GAPDHS: variants seen among roughly 807,000 people sequenced by gnomAD.
The protein encoded by GAPDHS is glyceraldehyde-3-phosphate dehydrogenase, spermatogenic, also known as glyceraldehyde-3-phosphate dehydrogenase, testis-specific.
In GAPDHS, 42 loss-of-function variants were observed where a neutral mutation model predicts 48.7. The ratio of observed to expected loss-of-function variants is 0.86; its 90% CI spans 0.67 to 1.12. The LOEUF (loss-of-function observed/expected upper bound fraction) is 1.12. Ranked by LOEUF, GAPDHS falls within the 50% of genes most tolerant of loss-of-function variation. The probability of loss-of-function intolerance (pLI) is 0.00; values close to 1 mark genes in which losing one functional copy is unlikely to be tolerated. For synonymous variants in GAPDHS, 166 were observed against 219.1 expected, an observed-to-expected ratio of 0.76 and a Z score of 2.14; for missense variants, 512 against 557.7, an observed-to-expected ratio of 0.92 and a Z score of 0.82.
In GAPDHS at chr19:35,534,460, G is replaced by A. The variant is rs113798526; in HGVS notation, c.67+866G>A. Among the ~76,000 whole-genome samples the A allele has an allele frequency of 4.0e-3, 604 of 152,266 alleles. 5 individuals carry two copies. Among genetic ancestry groups the A allele is most frequent in the African/African-American group, 0.014 (574 of 41,558 alleles). Reference sequence around the variant, plus strand: ...CCCCTCTGTAAAGTGGGTTTATAGCGCATGCCTCTCGGGATTCAGTGGGAG... The same window carrying A: ...CCCCTCTGTAAAGTGGGTTTATAGCACATGCCTCTCGGGATTCAGTGGGAG... On this transcript the variant is annotated intron_variant, in intron 1 of 10. Coordinates refer to ENST00000222286, the MANE Select transcript of GAPDHS (RefSeq NM_014364.5).
At chr19:35,536,605 C>G (rs2071467573) in intron 1 of GAPDHS, among the ~76,000 whole-genome samples, 1 of 151,856 alleles carries the variant, frequency 6.6e-6, no homozygotes, top group Non-Finnish European at 1.5e-5. Context: ...AAGTACATAA[C>G]CAGTGAATTA....
intron 1 of GAPDHS, among the ~76,000 whole-genome samples, chr19:35,536,306 G>A (rs1162830392): frequency 1.3e-5 from 2 of 151,870 alleles, no homozygotes; most frequent in African/African-American, 2.4e-5. Context: ...CCGGCCAGGC[G>A]CAGTGGCTCA....
At chr19:35,544,703 G>A (rs2071532177) in intron 9 of GAPDHS, 1 of 599,198 alleles carries the variant, frequency 1.7e-6, no homozygotes, top group South Asian at 1.9e-5. Flanking sequence ...TTTGTGACCT[G>A]TGCCCTTTGG....
intron 9 of GAPDHS, chr19:35,544,477 TG>T (rs2071530498): frequency 5.4e-6 from 1 of 186,028 alleles, no homozygotes; most frequent in Non-Finnish European, 1.1e-5. Context: ...AACACTCCTG[TG>T]GCCTTTCATG....
At chr19:35,544,734 T>G in intron 9 of GAPDHS, 175 bp from the exon 10 acceptor site, 1 of 624,576 alleles carries the variant, frequency 1.6e-6, no homozygotes, top group Non-Finnish European at 2.9e-6. Flanking sequence ...ACACAGTGCC[T>G]TGGTCATACC....
At chr19:35,543,969 C>G in intron 9 of GAPDHS, 142 bp downstream of exon 9, 1 of 1,398,038 alleles carries the variant, frequency 7.2e-7, no homozygotes, top group Non-Finnish European at 9.3e-7. Flanking sequence ...GGCCTTTGCA[C>G]TTGCTGTTCC....
At chr19:35,540,429 T>G (rs1796191897) in intron 4 of GAPDHS, among the ~76,000 whole-genome samples, 1 of 152,156 alleles carries the variant, frequency 6.6e-6, no homozygotes, top group South Asian at 2.1e-4. Context: ...ACTCAGCAAT[T>G]GTTGCAGAGG....
At chr19:35,539,328 G>C (rs1395725323) in intron 4 of GAPDHS, among the ~76,000 whole-genome samples, 1 of 152,218 alleles carries the variant, frequency 6.6e-6, no homozygotes, top group Non-Finnish European at 1.5e-5. Flanking sequence ...ATTCCAAAGG[G>C]AGGAAGGTAT....
At chr19:35,542,861 C>A (rs1022077845) in intron 6 of GAPDHS, 84 bp from the exon 7 acceptor site, 2 of 1,006,092 alleles carry the variant, frequency 2.0e-6, no homozygotes. Context: ...ACCAAGTCTG[C>A]GTGCATACCC....
intron 1 of GAPDHS, among the ~76,000 whole-genome samples, chr19:35,535,183 C>T (rs950574533): frequency 4.6e-5 from 7 of 152,218 alleles, no homozygotes; most frequent in African/African-American, 7.2e-5. Context: ...TGAGTCTCCA[C>T]TTCTCCCCTC....
In GAPDHS at chr19:35,533,605, C is replaced by T; in HGVS notation, c.67+11C>T. 1.2e-6 allele frequency: 2 copies of T among 1,605,292 alleles called. No homozygotes were observed. The highest frequency in any genetic ancestry group is 8.5e-7 in the Non-Finnish European group (1 of 1,175,510). Reference sequence around the variant, plus strand: ...GACAGCCGTGCCCGGGTGAGGGAGGCAGCGGAGGGCGCGGGGGAGGGGTGG... The same window carrying T: ...GACAGCCGTGCCCGGGTGAGGGAGGTAGCGGAGGGCGCGGGGGAGGGGTGG... On this transcript the variant is annotated intron_variant, in intron 1 of 10. Transcript: ENST00000222286.
intron 1 of GAPDHS, among the ~76,000 whole-genome samples, chr19:35,536,373 A>G (rs1274544995): frequency 6.6e-6 from 1 of 151,942 alleles, no homozygotes; most frequent in Non-Finnish European, 1.5e-5. Context: ...TAAGGTCAGG[A>G]GTTCGAGACC....
chr19:35,538,049 C>T (rs2071477013), intron 2 of GAPDHS, among the ~76,000 whole-genome samples: 1 of 151,646 alleles, frequency 6.6e-6, no homozygotes, highest in Non-Finnish European at 1.5e-5. Context: ...GCACTCCAGC[C>T]TGGGCGAAAG....
chr19:35,545,198 A>G lies in GAPDHS; in HGVS notation c.*28A>G. 1 of 1,585,974 alleles carries G rather than the reference A, an allele frequency of 6.3e-7. No individual in the cohort carries two copies. The highest frequency in any genetic ancestry group is 8.7e-7 in the Non-Finnish European group (1 of 1,154,344). ...CGGGAAGGTCCTTTCTTTCCTTCCC[A>G]GGGGCCGGGGCCGGAACATGTGCCT... On this transcript the variant is annotated 3_prime_UTR_variant, in exon 11 of 11. Coordinates refer to ENST00000222286, the MANE Select transcript of GAPDHS (RefSeq NM_014364.5).
At chr19:35,544,856 C>T in intron 9 of GAPDHS, 53 bp from the exon 10 acceptor site, 1 of 1,057,744 alleles carries the variant, frequency 9.5e-7, no homozygotes, top group Non-Finnish European at 1.5e-6. Flanking sequence ...GCCTCAGCTC[C>T]TGGAGGTCCT....
At chr19:35,535,889 C>G (rs562778602) in intron 1 of GAPDHS, among the ~76,000 whole-genome samples, 1 of 151,944 alleles carries the variant, frequency 6.6e-6, no homozygotes. Flanking sequence ...CTTGCCTCAG[C>G]CCCCCGAGGA....
Position 35,543,481 on chromosome 19 carries a change from G to C in GAPDHS, c.883G>C (p.Glu295Gln). 6.2e-7 allele frequency: 1 copy of C among 1,605,236 alleles called. No individual in the cohort carries two copies. Reference protein sequence around the residue: ...AAKAVTKVIPELKGKLTGMAF... With the variant: ...AAKAVTKVIPQLKGKLTGMAF... Reference sequence around the variant, plus strand: ...GAAAGCTGTGACCAAAGTCATCCCAGAGCTCAAAGGGTATGAGGACAAGAA... The same window carrying C: ...GAAAGCTGTGACCAAAGTCATCCCACAGCTCAAAGGGTATGAGGACAAGAA... Residue 295 changes from glutamate (E) to glutamine (Q), a missense_variant, in exon 8 of 11, where the codon GAG becomes CAG. Transcript: ENST00000222286.
chr19:35,533,791 C>T (rs998815091), intron 1 of GAPDHS, among the ~76,000 whole-genome samples, 197 bp downstream of exon 1: 9 of 152,198 alleles, frequency 5.9e-5, no homozygotes, highest in African/African-American at 7.2e-5. Context: ...GGCGGGGAGA[C>T]CGGGCCTCCG....
chr19:35,535,992 G>A (rs2071463562), intron 1 of GAPDHS, among the ~76,000 whole-genome samples: 1 of 150,678 alleles, frequency 6.6e-6, no homozygotes, highest in Non-Finnish European at 1.5e-5. Flanking sequence ...CACCCACCTT[G>A]GCCTCCCAAA....
Sources: allele counts gnomAD v4.1 joint callset (sites outside exome capture counted in the v4.1 genomes callset), GRCh38; gene constraint gnomAD v4.1.1; transcripts MANE v1.5; gene names NCBI Gene and HGNC (gene_info 2026-07-23, HGNC 2026-07-21).